Variants in NTRK2 observed in about 807,000 individuals in gnomAD.
NTRK2 encodes neurotrophic receptor tyrosine kinase 2.
In NTRK2, 13 loss-of-function variants were observed where a neutral mutation model predicts 94.5. The ratio of observed to expected loss-of-function variants is 0.14; its 90% confidence interval spans 0.09 to 0.22. The LOEUF is 0.22. NTRK2 is among the 10% of genes least tolerant of loss of function. The pLI is 1.00. For synonymous variants in NTRK2, 372 were observed against 407.4 expected (o/e 0.91, Z 1.05); for missense variants, 639 against 1,071.2 (o/e 0.60, Z 5.63).
In NTRK2 at chr9:84,962,318, T is replaced by G. The variant is rs139926417; in HGVS notation, c.2172+6801T>G. Among the ~76,000 whole-genome samples, 782 of 152,332 alleles carry G rather than the reference T, an allele frequency of 5.1e-3. 24 individuals are homozygous for G. Among genetic ancestry groups the G allele is most frequent in the Admixed American group, 0.044 (675 of 15,306 alleles). ...TAAGGTAAGCAATCTCTTTCCTTGATGCAGAAATCCTCAGAGCCTTTAATC... is the reference window on the plus strand; with the variant it reads ...TAAGGTAAGCAATCTCTTTCCTTGAGGCAGAAATCCTCAGAGCCTTTAATC... On this transcript the variant is annotated intron_variant, in intron 17 of 18. Transcript: ENST00000277120.
chr9:84,670,208 A>G (rs1224878704), intron 1 of NTRK2, among the ~76,000 whole-genome samples, 169 bp from the exon 2 acceptor site: 1 of 152,034 alleles, frequency 6.6e-6, no homozygotes, highest in Non-Finnish European at 1.5e-5. Flanking sequence ...CAGCGGCGTC[A>G]GTGCCATCGC....
intron 14 of NTRK2, among the ~76,000 whole-genome samples, chr9:84,882,719 T>TGTGTGC (rs761042296): frequency 1.2e-3 from 173 of 145,826 alleles, no homozygotes; most frequent in African/African-American, 3.4e-3. Context: ...TGTGTGTGTG[T>TGTGTGC]GCGCGCGCGC....
intron 6 of NTRK2, among the ~76,000 whole-genome samples, chr9:84,721,540 C>G (rs2062068039): frequency 6.6e-6 from 1 of 152,068 alleles, no homozygotes; most frequent in Non-Finnish European, 1.5e-5. Flanking sequence ...AATGTGAAGA[C>G]AGAGTATGTT....
chr9:84,905,746 C>T (rs533821246), intron 14 of NTRK2, among the ~76,000 whole-genome samples: 27 of 152,130 alleles, frequency 1.8e-4, no homozygotes, highest in Non-Finnish European at 2.5e-4. Context: ...GGATTCTGTA[C>T]GCAGACTTAA....
chr9:84,734,911 GTC>G (rs2063145996), intron 9 of NTRK2, among the ~76,000 whole-genome samples: 2 of 152,092 alleles, frequency 1.3e-5, no homozygotes, highest in Non-Finnish European at 2.9e-5. Flanking sequence ...CAGAGGGTGG[GTC>G]AGTCTTAGAT....
chr9:84,782,085 A>G (rs1222950160), intron 12 of NTRK2, among the ~76,000 whole-genome samples: 1 of 146,928 alleles, frequency 6.8e-6, no homozygotes, highest in East Asian at 2.0e-4. Flanking sequence ...CACACCCACA[A>G]ACAAACACGT....
At chr9:85,020,957 C>T (rs1277368284) in intron 18 of NTRK2, among the ~76,000 whole-genome samples, 2 of 152,086 alleles carry the variant, frequency 1.3e-5, no homozygotes, top group African/African-American at 4.8e-5. Context: ...CATCTCAGAC[C>T]AATAAAAACC....
chr9:84,863,804 A>T (rs1388565793), intron 13 of NTRK2, among the ~76,000 whole-genome samples: 1 of 152,230 alleles, frequency 6.6e-6, no homozygotes, highest in Non-Finnish European at 1.5e-5. Flanking sequence ...GTTGAGGTTT[A>T]TGTGTTACTC....
intron 16 of NTRK2, among the ~76,000 whole-genome samples, chr9:84,952,242 T>G (rs535050371): frequency 6.6e-6 from 1 of 152,300 alleles, no homozygotes; most frequent in African/African-American, 2.4e-5. Context: ...CAAGAACTCA[T>G]GGTCTTAACC....
intron 14 of NTRK2, among the ~76,000 whole-genome samples, chr9:84,921,064 A>G (rs2077550567): frequency 6.6e-6 from 1 of 152,228 alleles, no homozygotes; most frequent in Admixed American, 6.5e-5. Flanking sequence ...CCTGCATAAT[A>G]GCATCACTGA....
chr9:84,774,649 G>A (rs1397746025), intron 12 of NTRK2, among the ~76,000 whole-genome samples: 1 of 152,218 alleles, frequency 6.6e-6, no homozygotes, highest in African/African-American at 2.4e-5. Flanking sequence ...GTAGTCCAGT[G>A]TAGCAAATGG....
In NTRK2 at chr9:84,944,213, TCTCA is replaced by T. The variant is rs1293709573; in HGVS notation, c.1765-4247_1765-4244del. On this transcript the variant is annotated intron_variant, in intron 15 of 18. Coordinates refer to ENST00000277120, the MANE Select transcript of NTRK2 (RefSeq NM_006180.6). Reference sequence around the variant, plus strand: ...CTTGTTCTCTCTCTCTCTCTCTCTCTCTCACACACACACACACACACACACACAC... The same window carrying T: ...CTTGTTCTCTCTCTCTCTCTCTCTCTCACACACACACACACACACACACAC... 8.8e-4 allele frequency among the ~76,000 whole-genome samples: 120 copies of T among 136,872 alleles called. 1 individual carries two copies. Among genetic ancestry groups the T allele is most frequent in the African/African-American group, 1.3e-3 (43 of 33,804 alleles). 89.8% of individuals were successfully genotyped at this position (136,872 alleles called of 152,430 possible).
chr9:84,874,063 T>C, intron 14 of NTRK2: 2 of 1,064,230 alleles, frequency 1.9e-6, no homozygotes, highest in East Asian at 5.0e-5. Context: ...AATGTATTTG[T>C]TCTGGGTATT....
At chr9:84,702,511 C>T (rs2060795968) in intron 4 of NTRK2, 92 bp downstream of exon 4, 7 of 1,100,720 alleles carry the variant, frequency 6.4e-6, no homozygotes, top group Non-Finnish European at 9.8e-6. Context: ...AACTTGAAAC[C>T]TCCCTTTTTA....
intron 4 of NTRK2, among the ~76,000 whole-genome samples, chr9:84,703,249 C>G (rs1049176123): frequency 1.3e-5 from 2 of 152,218 alleles, no homozygotes; most frequent in Non-Finnish European, 2.9e-5. Context: ...ACCAAATTCT[C>G]TTTGCAGTGA....
intron 9 of NTRK2, among the ~76,000 whole-genome samples, chr9:84,732,167 G>C (rs1275224815): frequency 1.3e-5 from 2 of 152,196 alleles, no homozygotes. Flanking sequence ...ACACTGAAGA[G>C]TACAACTTGT....
intron 12 of NTRK2, among the ~76,000 whole-genome samples, chr9:84,860,721 ACAGCT>A (rs2075294349): frequency 6.6e-6 from 1 of 152,092 alleles, no homozygotes; most frequent in African/African-American, 2.4e-5. Context: ...AAGAAAGAAA[ACAGCT>A]CAGAGCCCTT....
intron 17 of NTRK2, among the ~76,000 whole-genome samples, chr9:85,008,614 A>T (rs1376229192): frequency 6.6e-6 from 1 of 152,168 alleles, no homozygotes; most frequent in Non-Finnish European, 1.5e-5. Context: ...ATTGTCCCAG[A>T]TTCTATGAAT....
chr9:84,710,582 A>G, intron 5 of NTRK2, 55 bp from the exon 6 acceptor site: 1 of 1,580,176 alleles, frequency 6.3e-7, no homozygotes, highest in Non-Finnish European at 8.7e-7. Flanking sequence ...ACAAGCACTA[A>G]TGTAGCTAAA....
Sources: gnomAD v4.1 joint callset for allele counts (sites outside exome capture counted in the v4.1 genomes callset) on GRCh38, gnomAD v4.1.1 for gene constraint, MANE v1.5 for transcripts, NCBI Gene and HGNC (gene_info 2026-07-23, HGNC 2026-07-21) for gene names.